The following PAX8 variants were observed in gnomAD, a reference collection of about 807,000 sequenced individuals.
The protein encoded by PAX8 is paired box 8, also known as paired box protein Pax-8.
Under a neutral mutation model 52.4 loss-of-function variants are expected in PAX8, and 15 were observed. The ratio of observed to expected loss-of-function variants is 0.29; its 90% confidence interval spans 0.19 to 0.44. The LOEUF is 0.44. PAX8 is among the 20% of genes least tolerant of loss of function. PAX8 has a pLI of 1.00. For missense variants in PAX8, 554 were observed against 602.5 expected (o/e 0.92, Z 0.84); for synonymous variants, 284 against 249.7 (o/e 1.14, Z -1.29).
intron 2 of PAX8, among the ~76,000 whole-genome samples, chr2:113,248,148 A>G (rs192598699): frequency 1.1e-4 from 17 of 152,356 alleles, no homozygotes; most frequent in African/African-American, 3.4e-4. Context: ...ACCTAGAGCC[A>G]TACTGGGCTA....
At chr2:113,267,450 C>T (rs1693162717) in intron 2 of PAX8, 1 of 152,160 alleles carries the variant, frequency 6.6e-6, no homozygotes, top group South Asian at 2.1e-4. Context: ...ACCCATGACC[C>T]GTAACTTCAG....
chr2:113,241,830 A>G (rs1334159926), intron 6 of PAX8, 104 bp from the exon 7 acceptor site: 8 of 1,511,072 alleles, frequency 5.3e-6, no homozygotes, highest in Non-Finnish European at 7.3e-6. Context: ...TGGAGGGAGA[A>G]AAAGGGCCAG....
Position 113,278,366 on chromosome 2 carries a change from T to C in PAX8, c.25+4A>G. 1.9e-6 allele frequency: 3 copies of C among 1,601,196 alleles called. No homozygotes were observed. Among genetic ancestry groups the C allele is most frequent in the African/African-American group, 1.3e-5 (1 of 74,796 alleles). On this transcript the variant is annotated splice_donor_region_variant and intron_variant, in intron 2 of 11. Transcript: ENST00000429538. ...CGGGGATCCTGACCACACCGCGTTC[T>C]TACCAGATCTGATGGAGTTGTGAGG...
chr2:113,227,786 A>C (rs996315923), intron 9 of PAX8, among the ~76,000 whole-genome samples: 1 of 152,132 alleles, frequency 6.6e-6, no homozygotes, highest in Non-Finnish European at 1.5e-5. Context: ...TGTGACAGAC[A>C]TTGCTAATCA....
Position 113,232,273 on chromosome 2 carries a change from G to A in PAX8, c.1087+3121C>T, listed in dbSNP as rs1348562659. Among the ~76,000 whole-genome samples, 3 of 152,124 alleles carry A rather than the reference G, an allele frequency of 2.0e-5. No individual in the cohort carries two copies. The East Asian group carries it at 5.8e-4, about 29-fold the overall frequency. On this transcript the variant is annotated intron_variant, in intron 9 of 11. Transcript: ENST00000429538. ...ATGGACACCAGCCATCCCCTCCCTT[G>A]TGCCTGAGCTGCTTTCTGACTTGCT...
Position 113,226,669 on chromosome 2 carries a change from G to GTCATCGTCA in PAX8, c.1189+485_1189+486insTGACGATGA, listed in dbSNP as rs1553411718. 1.5e-5 allele frequency: 16 copies of GTCATCGTCA among 1,057,590 alleles called. No individual in the cohort carries two copies. In the Admixed American group the frequency reaches 2.7e-4, roughly 18 times the overall value. The allele number at this position is 1,057,590 out of a possible 1,614,324, so 65.5% of individuals were successfully genotyped here. ...ATATTTCATCATCATCATCGTCATC[G>GTCATCGTCA]TCATCATCATCATCATCATCATCAA... On this transcript the variant is annotated intron_variant, in intron 10 of 11. Coordinates refer to ENST00000429538, the MANE Select transcript of PAX8 (RefSeq NM_003466.4).
rs761128115 is a variant in PAX8 at position 113,244,462 on chromosome 2, G to T, written c.354C>A (p.Asp118Glu). Residue 118 changes from aspartate (D) to glutamate (E), a missense_variant, in exon 4 of 12, where the codon GAC becomes GAA. This residue lies in a region of PAX8 where 109 missense variants were observed against 192.7 expected (regional missense o/e 0.57). Coordinates refer to ENST00000429538, the MANE Select transcript of PAX8 (RefSeq NM_003466.4). ...AGCTGACACTGGGCACAGTGTCATT[G>T]TCACAGACGCCCTCAGCCAGGAGCC... ...RDRLLAEGVCDNDTVPSVSSI... is the reference protein window; with the variant it reads ...RDRLLAEGVCENDTVPSVSSI... 5.0e-6 allele frequency: 8 copies of T among 1,614,070 alleles called. No homozygotes were observed. The highest frequency in any genetic ancestry group is 6.8e-6 in the Non-Finnish European group (8 of 1,179,944).
intron 10 of PAX8, chr2:113,226,884 C>T: frequency 1.5e-6 from 2 of 1,348,050 alleles, no homozygotes; most frequent in Non-Finnish European, 1.9e-6. Context: ...TGAACACAGA[C>T]CTGTCTCAGC....
At chr2:113,220,283 G>C in intron 10 of PAX8, 105 bp from the exon 11 acceptor site, 2 of 829,310 alleles carry the variant, frequency 2.4e-6, no homozygotes, top group South Asian at 2.9e-5. Flanking sequence ...CTCAGGAATG[G>C]TTGGGGAGAC....
At chr2:113,254,440 G>A (rs892021609) in intron 2 of PAX8, among the ~76,000 whole-genome samples, 1 of 152,166 alleles carries the variant, frequency 6.6e-6, no homozygotes, top group Non-Finnish European at 1.5e-5. Context: ...TTAGGAAGAT[G>A]TCTCTAAATG....
Position 113,264,870 on chromosome 2 carries a change from CAG to C in PAX8, c.25+13498_25+13499del, listed in dbSNP as rs144652530. On this transcript the variant is annotated intron_variant, in intron 2 of 11. Transcript: ENST00000429538. ...TAGCTGCATTGAATGGGCAGAGACACAGAGGTGAGAATGTACATGGTGTATTT... is the reference window on the plus strand; with the variant it reads ...TAGCTGCATTGAATGGGCAGAGACACAGGTGAGAATGTACATGGTGTATTT... 3.3e-3 allele frequency among the ~76,000 whole-genome samples: 504 copies of C among 152,198 alleles called. 1 individual carries two copies. The highest frequency in any genetic ancestry group is 0.011 in the African/African-American group (473 of 41,496).
At chr2:113,221,131 G>A (rs1429105224) in intron 10 of PAX8, among the ~76,000 whole-genome samples, 1 of 152,216 alleles carries the variant, frequency 6.6e-6, no homozygotes, top group Non-Finnish European at 1.5e-5. Flanking sequence ...AAGGAAACTG[G>A]AGTGCAGCAT....
intron 2 of PAX8, among the ~76,000 whole-genome samples, chr2:113,262,910 T>C (rs1021989577): frequency 1.3e-5 from 2 of 152,234 alleles, no homozygotes; most frequent in Admixed American, 6.5e-5. Context: ...TAAATTTCTA[T>C]TATGTAAGCC....
At position 113,242,102 on chromosome 2, in the gene PAX8, C is replaced by T; in HGVS notation, c.507G>A (p.Glu169=). Residue 169 remains glutamate, a synonymous_variant, in exon 6 of 12, where the codon GAG becomes GAA. Coordinates refer to ENST00000429538, the MANE Select transcript of PAX8 (RefSeq NM_003466.4). ...AGCCCAGGGAATCCGACTGGGGTGA[C>T]TCCGGGGGAGTTACAGCTGAGCTGG... ...LIPSSAVTPP[E]SPQSDSLGST... 1.9e-6 allele frequency: 3 copies of T among 1,613,730 alleles called. No individual in the cohort carries two copies. Among genetic ancestry groups the T allele is most frequent in the Non-Finnish European group, 1.7e-6 (2 of 1,179,758 alleles).
intron 2 of PAX8, among the ~76,000 whole-genome samples, chr2:113,260,878 TTG>T (rs34240850): frequency 8.8e-4 from 130 of 147,936 alleles, no homozygotes; most frequent in African/African-American, 2.0e-3. Context: ...AGTGACTGTT[TTG>T]TGTGTGTGTG....
intron 2 of PAX8, among the ~76,000 whole-genome samples, chr2:113,248,739 A>C (rs1204144122): frequency 1.3e-5 from 2 of 151,628 alleles, no homozygotes; most frequent in Admixed American, 1.3e-4. Flanking sequence ...CGGGCGGATC[A>C]CCTGAGGTCA....
intron 2 of PAX8, among the ~76,000 whole-genome samples, chr2:113,277,142 A>AC (rs893414740): frequency 6.6e-5 from 10 of 151,978 alleles, no homozygotes; most frequent in African/African-American, 2.2e-4. Flanking sequence ...CCTTGAAGGG[A>AC]CCCCGCGCCT....
intron 2 of PAX8, among the ~76,000 whole-genome samples, chr2:113,249,334 G>A (rs1048146151): frequency 6.6e-6 from 1 of 152,144 alleles, no homozygotes; most frequent in African/African-American, 2.4e-5. Context: ...GGCTCTTTTG[G>A]GTCCAGGCAC....
intron 1 of PAX8, 125 bp from the exon 2 acceptor site, chr2:113,278,594 G>T: frequency 1.1e-6 from 1 of 893,380 alleles, no homozygotes; most frequent in Non-Finnish European, 1.7e-6. Flanking sequence ...ATTTTTAGGC[G>T]AAGTAGGGCC....
Sources: allele counts gnomAD v4.1 joint callset (sites outside exome capture counted in the v4.1 genomes callset), GRCh38; gene constraint gnomAD v4.1.1; regional missense constraint gnomAD v4.1.1; transcripts MANE v1.5; gene names NCBI Gene and HGNC (gene_info 2026-07-23, HGNC 2026-07-21).